Variants in PCCA observed in about 807,000 individuals in gnomAD.
PCCA encodes the protein propionyl-CoA carboxylase alpha chain, mitochondrial.
In PCCA, 74 loss-of-function variants were observed where a neutral mutation model predicts 101.3. That is an observed-to-expected ratio of 0.73 (90% CI 0.61 to 0.89). PCCA has a LOEUF of 0.89. Ranked by LOEUF, PCCA falls within the 40% of genes least tolerant of loss-of-function variation. The probability of loss-of-function intolerance (pLI) is 0.00; values close to 1 mark genes in which losing one functional copy is unlikely to be tolerated. For missense variants in PCCA, 891 were observed against 907.0 expected (o/e 0.98, Z 0.23); for synonymous variants, 294 against 313.6 (o/e 0.94, Z 0.66).
intron 15 of PCCA, 141 bp from the exon 16 acceptor site, chr13:100,309,692 G>A: frequency 1.8e-6 from 1 of 568,814 alleles, no homozygotes; most frequent in Non-Finnish European, 3.1e-6. Context: ...TAATTGACAT[G>A]TATTGAAAAC....
intron 10 of PCCA, among the ~76,000 whole-genome samples, chr13:100,263,919 A>G (rs2062715568): frequency 6.6e-6 from 1 of 151,250 alleles, no homozygotes; most frequent in Non-Finnish European, 1.5e-5. Flanking sequence ...TGTATGTCAT[A>G]GATACGGTAT....
At chr13:100,405,314 C>T (rs2077608251) in intron 19 of PCCA, among the ~76,000 whole-genome samples, 1 of 152,146 alleles carries the variant, frequency 6.6e-6, no homozygotes, top group Admixed American at 6.6e-5. Context: ...ATTACCCATC[C>T]CTCTTGTTCT....
At chr13:100,517,164 G>T (rs2086899280) in intron 22 of PCCA, among the ~76,000 whole-genome samples, 1 of 151,300 alleles carries the variant, frequency 6.6e-6, no homozygotes, top group Non-Finnish European at 1.5e-5. Context: ...GGCGGGCAGG[G>T]ATGAGGGAGA....
intron 1 of PCCA, among the ~76,000 whole-genome samples, chr13:100,090,285 G>T (rs1028036212): frequency 6.6e-6 from 1 of 152,198 alleles, no homozygotes; most frequent in Admixed American, 6.5e-5. Context: ...ACCTATGTTT[G>T]TTTTGTGTCC....
intron 21 of PCCA, among the ~76,000 whole-genome samples, chr13:100,452,854 T>C (rs1433532322): frequency 6.6e-6 from 1 of 152,008 alleles, no homozygotes; most frequent in Non-Finnish European, 1.5e-5. Context: ...GGCAAATGAA[T>C]GACTGAAATT....
chr13:100,337,013 C>G (rs1006812943), intron 17 of PCCA, among the ~76,000 whole-genome samples: 4 of 152,026 alleles, frequency 2.6e-5, no homozygotes, highest in Non-Finnish European at 2.9e-5. Flanking sequence ...TCTTCTCTGT[C>G]GGGGTTGGGG....
chr13:100,095,447 C>T (rs564930820), intron 1 of PCCA, among the ~76,000 whole-genome samples: 9 of 152,180 alleles, frequency 5.9e-5, no homozygotes, highest in Non-Finnish European at 1.0e-4. Flanking sequence ...AGACTGTGCT[C>T]GTATAAATAG....
At chr13:100,393,950 A>G (rs115699960) in intron 19 of PCCA, among the ~76,000 whole-genome samples, 257 of 152,344 alleles carry the variant, frequency 1.7e-3, no homozygotes, top group African/African-American at 6.0e-3. Flanking sequence ...ATACATAGAA[A>G]TGTTCTGCCT....
intron 4 of PCCA, among the ~76,000 whole-genome samples, chr13:100,117,948 C>T (rs1038673428): frequency 1.3e-5 from 2 of 151,692 alleles, no homozygotes; most frequent in African/African-American, 2.4e-5. Flanking sequence ...AACCCTGTCT[C>T]TACTAAAAAT....
At chr13:100,192,288 A>T (rs2152450659) in intron 6 of PCCA, among the ~76,000 whole-genome samples, 1 of 152,104 alleles carries the variant, frequency 6.6e-6, no homozygotes, top group East Asian at 1.9e-4. Context: ...TTTGATTTTA[A>T]TTGTGTTATA....
intron 22 of PCCA, among the ~76,000 whole-genome samples, chr13:100,519,962 G>A (rs1355317999): frequency 6.6e-6 from 1 of 152,124 alleles, no homozygotes; most frequent in East Asian, 1.9e-4. Context: ...CAAAATAATT[G>A]CAGTAATTAA....
At chr13:100,429,992 A>G (rs2079423676) in intron 20 of PCCA, among the ~76,000 whole-genome samples, 1 of 151,706 alleles carries the variant, frequency 6.6e-6, no homozygotes, top group African/African-American at 2.4e-5. Flanking sequence ...AAAAAAGAAA[A>G]CAGGCTGGTC....
intron 8 of PCCA, among the ~76,000 whole-genome samples, chr13:100,256,024 T>C (rs945825444): frequency 1.3e-5 from 2 of 152,170 alleles, no homozygotes; most frequent in African/African-American, 2.4e-5. Flanking sequence ...GCCCTTTCTT[T>C]TTTTTCTTCT....
In PCCA at chr13:100,328,494, C is replaced by T. The variant is rs568323006; in HGVS notation, c.1430-2067C>T. On this transcript the variant is annotated intron_variant, in intron 16 of 23. Transcript: ENST00000376285. ...TTTCTTAGTTGCCTCTTTTGAGGAG[C>T]AGACTTAAATTTTGATGAAGTACAG... Among the ~76,000 whole-genome samples the T allele has an allele frequency of 2.7e-5, 4 of 150,754 alleles. No individual in the cohort carries two copies. In the South Asian group the frequency reaches 8.3e-4, roughly 31 times the overall value.
chr13:100,347,320 T>A (rs1221207163), intron 18 of PCCA, among the ~76,000 whole-genome samples: 2 of 152,258 alleles, frequency 1.3e-5, no homozygotes, highest in African/African-American at 4.8e-5. Context: ...ACTTGCTTCA[T>A]TGCAGTGGTC....
At chr13:100,461,301 G>A (rs1010484752) in intron 21 of PCCA, among the ~76,000 whole-genome samples, 1 of 152,108 alleles carries the variant, frequency 6.6e-6, no homozygotes, top group Non-Finnish European at 1.5e-5. Flanking sequence ...CTCGAAATTT[G>A]CATCATTCAT....
chr13:100,112,543 A>T lies in PCCA; in HGVS notation c.300+482A>T, dbSNP rs148725305. ...AAAGAAGGTTTAGCATAAAGCAGAT[A>T]TACTTTTATTTGGTACTTTTAACAC... is the stretch of plus-strand genomic sequence containing the variant. On this transcript the variant is annotated intron_variant, in intron 4 of 23. Coordinates refer to ENST00000376285, the MANE Select transcript of PCCA (RefSeq NM_000282.4). Among the ~76,000 whole-genome samples, 6 of 149,954 alleles carry T rather than the reference A, an allele frequency of 4.0e-5. No individual in the cohort carries two copies. The East Asian group carries it at 1.2e-3, about 29-fold the overall frequency.
In PCCA at chr13:100,309,899, G is replaced by A. The variant is rs2066771118; in HGVS notation, c.1420G>A (p.Val474Ile). Residue 474 changes from valine (V) to isoleucine (I), a missense_variant, in exon 16 of 24, where the codon GTT becomes ATT. Physicochemically the swap from Val to Ile is conservative, Grantham distance 29. Transcript: ENST00000376285. Reference protein sequence around the residue: ...KRMADALDNYVIRGVTHNIAL... With the variant: ...KRMADALDNYIIRGVTHNIAL... ...AATGGCAGATGCACTGGATAACTAT[G>A]TTATTCGAGGTAAAAACAAAGATTT... 3 of 1,610,536 alleles carry A rather than the reference G, an allele frequency of 1.9e-6. No individual in the cohort carries two copies. The highest frequency in any genetic ancestry group is 1.7e-5 in the Admixed American group (1 of 59,992).
At chr13:100,527,291 C>A (rs1360926800) in intron 22 of PCCA, 2 of 473,968 alleles carry the variant, frequency 4.2e-6, no homozygotes, top group African/African-American at 4.0e-5. Flanking sequence ...CCCTCTTCAA[C>A]CCCAGGCAAC....
Sources: allele counts gnomAD v4.1 joint callset (sites outside exome capture counted in the v4.1 genomes callset), GRCh38; gene constraint gnomAD v4.1.1; transcripts MANE v1.5; gene names NCBI Gene and HGNC (gene_info 2026-07-23, HGNC 2026-07-21).